The following UNC13C variants were observed in gnomAD, a reference collection of about 807,000 sequenced individuals.
UNC13C encodes protein unc-13 homolog C.
Under a neutral mutation model 245.4 loss-of-function variants are expected in UNC13C, and 174 were observed. The observed-to-expected ratio is 0.71, with a 90% CI of 0.63 to 0.80. The LOEUF (loss-of-function observed/expected upper bound fraction) is 0.80. Among genes scored for constraint, UNC13C ranks in the 30% least tolerant of loss-of-function variants. The pLI is 0.00. For missense variants in UNC13C, 2,829 were observed against 2,602.9 expected (o/e 1.09, Z -1.89); for synonymous variants, 992 against 895.1 (o/e 1.11, Z -1.93).
At chr15:53,894,874 A>AT in the UNC13C span, among the ~76,000 whole-genome samples, 1 of 152,284 alleles carries the variant, frequency 6.6e-6, no homozygotes, top group African/African-American at 2.4e-5. Context: ...ACCCTTCACC[A>AT]TGTTCAATAA....
intron 4 of UNC13C, among the ~76,000 whole-genome samples, chr15:54,215,271 T>C (rs1863894695): frequency 6.6e-6 from 1 of 151,928 alleles, no homozygotes; most frequent in African/African-American, 2.4e-5. Flanking sequence ...ATTTAGGCTT[T>C]TTTACTTCCT....
At chr15:54,568,687 T>G (rs909187671) in intron 30 of UNC13C, among the ~76,000 whole-genome samples, 30 of 152,110 alleles carry the variant, frequency 2.0e-4, no homozygotes, top group African/African-American at 6.5e-4. Flanking sequence ...CAGAACCTAA[T>G]AAAAGTTATA....
chr15:54,415,569 A>G (rs182757403), intron 19 of UNC13C, among the ~76,000 whole-genome samples: 4 of 152,322 alleles, frequency 2.6e-5, no homozygotes, highest in African/African-American at 9.6e-5. Flanking sequence ...AAACAATTCT[A>G]TAAATATTCT....
At chr15:54,383,920 G>T (rs938563777) in intron 17 of UNC13C, among the ~76,000 whole-genome samples, 89 of 151,542 alleles carry the variant, frequency 5.9e-4, no homozygotes, top group African/African-American at 2.1e-3. Context: ...TTCAATAGCT[G>T]CAAAAAAATA....
intron 12 of UNC13C, among the ~76,000 whole-genome samples, chr15:54,299,646 A>G (rs2037524997): frequency 6.6e-6 from 1 of 152,186 alleles, no homozygotes; most frequent in Non-Finnish European, 1.5e-5. Context: ...AAGGTACTTT[A>G]TCACTTTGAA....
rs757381905 is a variant in UNC13C, at chr15:54,015,313, G to T, written c.2410G>T (p.Ala804Ser). ...AAAATTTGGATCTACACTGCAGAGG[G>T]CTAAATCAGCCTTGGAAGTAGTATG... ...FPKFGSTLQR[A>S]KSALEVVWNK... The change falls in exon 2 of 33, where the codon GCT becomes TCT. Residue 804 changes from alanine to serine, a missense_variant. Ala to Ser is a moderately conservative substitution (Grantham distance 99, BLOSUM62 1). Transcript: ENST00000260323. 32 of 1,613,746 alleles carry T rather than the reference G, an allele frequency of 2.0e-5. No homozygotes were observed. The highest frequency in any genetic ancestry group is 1.7e-5 in the Admixed American group (1 of 59,922).
Position 54,143,150 on chromosome 15 carries a change from A to G in UNC13C, c.3006+110A>G, listed in dbSNP as rs537407175. On this transcript the variant is annotated intron_variant, in intron 3 of 32. Coordinates refer to ENST00000260323, the MANE Select transcript of UNC13C (RefSeq NM_001080534.3). The stretch of plus-strand genomic sequence containing the variant: ...CCTCTGTTTTAGTTTTGAAATGTGC[A>G]TGTTATCCCAGCTTTCCATTATTTG... The G allele has an allele frequency of 3.9e-6, 4 of 1,021,822 alleles. No homozygotes were observed. In the African/African-American group the frequency reaches 4.7e-5, roughly 12 times the overall value. 63.3% of individuals were successfully genotyped at this position (1,021,822 alleles called of 1,614,324 possible).
intron 4 of UNC13C, among the ~76,000 whole-genome samples, chr15:54,230,735 C>T (rs528464548): frequency 1.3e-5 from 2 of 151,822 alleles, no homozygotes; most frequent in African/African-American, 4.8e-5. Flanking sequence ...AGTATGTTGG[C>T]TAAGAGTGTA....
At chr15:54,182,377 A>T (rs1017041009) in intron 4 of UNC13C, among the ~76,000 whole-genome samples, 43 of 152,108 alleles carry the variant, frequency 2.8e-4, no homozygotes, top group Admixed American at 2.8e-3. Context: ...CATCCCAGGA[A>T]TGAAACCTAC....
At chr15:54,067,308 A>G (rs546151990) in intron 2 of UNC13C, among the ~76,000 whole-genome samples, 35 of 152,174 alleles carry the variant, frequency 2.3e-4, no homozygotes, top group Non-Finnish European at 3.7e-4. Flanking sequence ...CTGAGAGAAC[A>G]GTGTATCTTT....
chr15:54,269,821 T>C (rs1011628079), intron 10 of UNC13C, among the ~76,000 whole-genome samples: 11 of 152,170 alleles, frequency 7.2e-5, no homozygotes, highest in Non-Finnish European at 1.5e-4. Flanking sequence ...GGAGGCTCTA[T>C]CTGTACTGGC....
chr15:53,981,969 G>A (rs762827944), intron 1 of UNC13C, among the ~76,000 whole-genome samples: 4 of 152,066 alleles, frequency 2.6e-5, no homozygotes, highest in Non-Finnish European at 5.9e-5. Flanking sequence ...TCTTGATATG[G>A]AAGAGAGTTT....
At chr15:54,331,613 A>G (rs529708458) in intron 14 of UNC13C, among the ~76,000 whole-genome samples, 2 of 152,246 alleles carry the variant, frequency 1.3e-5, no homozygotes, top group Admixed American at 1.3e-4. Flanking sequence ...TAGAAGTGTA[A>G]AAAACTGTAA....
chr15:54,291,932 G>A (rs1254257899), intron 10 of UNC13C, among the ~76,000 whole-genome samples: 1 of 151,964 alleles, frequency 6.6e-6, no homozygotes, highest in Admixed American at 6.6e-5. Context: ...TAAGGGCTTG[G>A]ATACAACTAC....
intron 30 of UNC13C, among the ~76,000 whole-genome samples, chr15:54,593,534 TTTTGTC>T (rs781313680): frequency 1.3e-5 from 2 of 152,134 alleles, no homozygotes; most frequent in Non-Finnish European, 2.9e-5. Flanking sequence ...TTCTTATTCT[TTTTGTC>T]TTTGTCTTTG....
chr15:54,143,894 T>C (rs956085273), intron 4 of UNC13C, among the ~76,000 whole-genome samples: 1 of 129,648 alleles, frequency 7.7e-6, no homozygotes, highest in African/African-American at 2.4e-5. Flanking sequence ...AATATGTATA[T>C]GATTATATAT....
intron 1 of UNC13C, among the ~76,000 whole-genome samples, chr15:53,982,003 A>G (rs1165692041): frequency 6.6e-6 from 1 of 152,192 alleles, no homozygotes; most frequent in African/African-American, 2.4e-5. Flanking sequence ...CTATGTAAAC[A>G]GTTAAGAAAA....
intron 13 of UNC13C, among the ~76,000 whole-genome samples, chr15:54,300,753 A>T (rs897804544): frequency 3.3e-5 from 5 of 152,192 alleles, no homozygotes; most frequent in Non-Finnish European, 7.4e-5. Context: ...TTAAAGTTTG[A>T]GAGCCAGTGA....
At chr15:54,190,713 G>A (rs2034154061) in intron 4 of UNC13C, among the ~76,000 whole-genome samples, 1 of 151,714 alleles carries the variant, frequency 6.6e-6, no homozygotes, top group Non-Finnish European at 1.5e-5. Context: ...TTTTTTATGT[G>A]TCCCATTTAG....
Sources: allele counts gnomAD v4.1 joint callset (sites outside exome capture counted in the v4.1 genomes callset), GRCh38; gene constraint gnomAD v4.1.1; transcripts MANE v1.5; gene names NCBI Gene and HGNC (gene_info 2026-07-23, HGNC 2026-07-21).